COL22A1: variants seen among roughly 807,000 people sequenced by gnomAD.
COL22A1 encodes the protein collagen type XXII alpha 1 chain.
Under a neutral mutation model 248.9 loss-of-function variants are expected in COL22A1, and 221 were observed. The observed-to-expected ratio is 0.89, with a 90% CI of 0.80 to 0.99. COL22A1 has a LOEUF of 0.99. Among genes scored for constraint, COL22A1 ranks in the 50% least tolerant of loss-of-function variants. The probability of loss-of-function intolerance (pLI) is 0.00; values close to 1 mark genes in which losing one functional copy is unlikely to be tolerated. For missense variants in COL22A1, 2,240 were observed against 2,179.0 expected (o/e 1.03, Z -0.56); for synonymous variants, 891 against 793.4 (o/e 1.12, Z -2.07).
At chr8:138,663,681 C>T (rs765174437) in intron 42 of COL22A1, 24 bp downstream of exon 42, 1 of 1,575,350 alleles carries the variant, frequency 6.3e-7, no homozygotes. Context: ...AGAAACTCAT[C>T]CCTTTATTTA....
At chr8:138,747,460 C>T (rs1832215190) in intron 22 of COL22A1, among the ~76,000 whole-genome samples, 1 of 152,150 alleles carries the variant, frequency 6.6e-6, no homozygotes, top group Admixed American at 6.5e-5. Context: ...AAGCTCGTCT[C>T]CTGCCAGGCC....
intron 1 of COL22A1, among the ~76,000 whole-genome samples, chr8:138,911,738 T>C (rs1214385254): frequency 4.6e-5 from 7 of 152,236 alleles, no homozygotes; most frequent in African/African-American, 1.7e-4. Flanking sequence ...AGGGGCCATT[T>C]ACTTAATCAT....
intron 52 of COL22A1, chr8:138,620,423 A>T (rs1456938176): frequency 1.3e-5 from 2 of 151,364 alleles, no homozygotes; most frequent in Non-Finnish European, 2.9e-5. Flanking sequence ...AAAAAAAAAA[A>T]CTATAGAAAG....
chr8:138,657,326 A>G (rs7460303), intron 44 of COL22A1, among the ~76,000 whole-genome samples: 125,489 of 152,194 alleles, frequency 0.82, 52,423 homozygotes, highest in Middle Eastern at 0.91. Context: ...TGTTTCCCCT[A>G]GGAAGTTAAT....
At chr8:138,610,437 CT>C (rs1818765992) in intron 56 of COL22A1, among the ~76,000 whole-genome samples, 1 of 152,182 alleles carries the variant, frequency 6.6e-6, no homozygotes, top group African/African-American at 2.4e-5. Flanking sequence ...GTTGTGTGAC[CT>C]TGCCAGAATC....
At chr8:138,764,284 C>T (rs371805063) in intron 16 of COL22A1, among the ~76,000 whole-genome samples, 1 of 152,320 alleles carries the variant, frequency 6.6e-6, no homozygotes, top group South Asian at 2.1e-4. Flanking sequence ...AGGTTTTCTT[C>T]CTTGTGTGGC....
intron 4 of COL22A1, among the ~76,000 whole-genome samples, chr8:138,837,473 C>T (rs1382008160): frequency 1.3e-5 from 2 of 152,238 alleles, no homozygotes; most frequent in Non-Finnish European, 2.9e-5. Context: ...CTGAACAGGA[C>T]CTCAATGCCC....
chr8:138,710,338 C>T (rs1296899927), intron 30 of COL22A1, among the ~76,000 whole-genome samples: 2 of 152,200 alleles, frequency 1.3e-5, no homozygotes, highest in African/African-American at 4.8e-5. Context: ...ATGTCTAGAT[C>T]TGCTTCTTGA....
intron 12 of COL22A1, among the ~76,000 whole-genome samples, chr8:138,783,510 C>T (rs1415312935): frequency 6.6e-6 from 1 of 152,074 alleles, no homozygotes; most frequent in Non-Finnish European, 1.5e-5. Context: ...TTTCTGCCTG[C>T]TTATATTCTA....
At chr8:138,895,991 T>A (rs1264961114) in intron 1 of COL22A1, among the ~76,000 whole-genome samples, 1 of 152,070 alleles carries the variant, frequency 6.6e-6, no homozygotes, top group Non-Finnish European at 1.5e-5. Context: ...CAGGGGGAAA[T>A]GGCACAACAT....
chr8:138,881,965 C>T (rs1824248157), intron 2 of COL22A1, among the ~76,000 whole-genome samples: 1 of 152,154 alleles, frequency 6.6e-6, no homozygotes, highest in Non-Finnish European at 1.5e-5. Flanking sequence ...CTGCCCCGGG[C>T]CTTCTCATCT....
intron 16 of COL22A1, among the ~76,000 whole-genome samples, chr8:138,774,699 G>A (rs1017905700): frequency 2.6e-5 from 4 of 152,170 alleles, no homozygotes; most frequent in Admixed American, 1.3e-4. Context: ...GATTACAGGC[G>A]TGAGCCACTG....
At chr8:138,604,889 G>A in intron 58 of COL22A1, 120 bp from the exon 59 acceptor site, 2 of 924,754 alleles carry the variant, frequency 2.2e-6, no homozygotes, top group Middle Eastern at 2.1e-4. Flanking sequence ...ACAATCGATG[G>A]TCTACCTGGC....
At chr8:138,909,535 A>T (rs1223177375) in intron 1 of COL22A1, among the ~76,000 whole-genome samples, 1 of 152,122 alleles carries the variant, frequency 6.6e-6, no homozygotes, top group Non-Finnish European at 1.5e-5. Flanking sequence ...CAACCAAGAG[A>T]TGGTATCAAT....
chr8:138,605,188 C>T (rs1159937306), intron 58 of COL22A1, among the ~76,000 whole-genome samples: 1 of 152,198 alleles, frequency 6.6e-6, no homozygotes. Context: ...TAAACAACCT[C>T]CCTACAACTT....
Position 138,683,139 on chromosome 8 carries a change from C to T in COL22A1, c.3012+1286G>A, listed in dbSNP as rs146166946. Among the ~76,000 whole-genome samples the T allele has an allele frequency of 3.9e-3, 600 of 152,334 alleles. 6 individuals carry two copies. Among genetic ancestry groups the T allele is most frequent in the African/African-American group, 0.014 (567 of 41,576 alleles). On this transcript the variant is annotated intron_variant, in intron 39 of 64. Coordinates refer to ENST00000303045, the MANE Select transcript of COL22A1 (RefSeq NM_152888.3). ...CTCCTAGCACTCATCTGCTTTTCGT[C>T]TGTTGACATATCTGTTTTCCTGGCT...
chr8:138,849,612 T>G (rs544970369), intron 3 of COL22A1, among the ~76,000 whole-genome samples: 1 of 152,226 alleles, frequency 6.6e-6, no homozygotes, highest in South Asian at 2.1e-4. Flanking sequence ...TTCAGGTCTG[T>G]GTGTCTCCAA....
chr8:138,720,386 C>T (rs538543373), intron 27 of COL22A1, among the ~76,000 whole-genome samples: 9 of 152,140 alleles, frequency 5.9e-5, no homozygotes, highest in South Asian at 4.2e-4. Flanking sequence ...ATAAGCCAGA[C>T]GCTGATGATA....
chr8:138,738,001 C>G (rs1831254005), intron 22 of COL22A1, among the ~76,000 whole-genome samples: 1 of 152,118 alleles, frequency 6.6e-6, no homozygotes, highest in African/African-American at 2.4e-5. Flanking sequence ...AACACACACA[C>G]TCCCCCGTCC....
Sources: allele counts gnomAD v4.1 joint callset (sites outside exome capture counted in the v4.1 genomes callset), GRCh38; gene constraint gnomAD v4.1.1; transcripts MANE v1.5; gene names NCBI Gene and HGNC (gene_info 2026-07-23, HGNC 2026-07-21).